DGKB: variants seen among roughly 807,000 people sequenced by gnomAD.
The protein encoded by DGKB is diacylglycerol kinase beta.
In DGKB, 67 loss-of-function variants were observed where a neutral mutation model predicts 114.3. That is an observed-to-expected ratio of 0.59 (90% confidence interval 0.48 to 0.72). The LOEUF is 0.72. Among genes scored for constraint, DGKB ranks in the 30% least tolerant of loss-of-function variants. The pLI is 0.00. For missense variants in DGKB, 907 were observed against 975.2 expected, an observed-to-expected ratio of 0.93 and a Z score of 0.93; for synonymous variants, 398 against 323.1, an observed-to-expected ratio of 1.23 and a Z score of -2.49.
rs529425151 is a variant in DGKB, at chr7:14,485,515, C to A, written c.1771-7290G>T. Among the ~76,000 whole-genome samples, 234 of 152,000 alleles carry A rather than the reference C, an allele frequency of 1.5e-3. 1 individual carries two copies. The highest frequency in any genetic ancestry group is 5.5e-3 in the African/African-American group (227 of 41,450). On this transcript the variant is annotated intron_variant, in intron 20 of 25. Coordinates refer to ENST00000402815, the MANE Select transcript of DGKB (RefSeq NM_001350709.2). ...ACTTGGAGAAATACATGATTGAGAG[C>A]AAGTTAATGGGATTTAGAATAAAGC...
Position 14,223,255 on chromosome 7 carries a change from T to C in DGKB, c.2123-45104A>G, listed in dbSNP as rs75134963. Among the ~76,000 whole-genome samples, 1,078 of 151,790 alleles carry C rather than the reference T, an allele frequency of 7.1e-3. 14 individuals carry two copies. Among genetic ancestry groups the C allele is most frequent in the African/African-American group, 0.025 (1,026 of 41,502 alleles). Reference sequence around the variant, plus strand: ...ATTTAGTATTTTCAAATGCAGAATTTATCTTACTTTAATGATCTTTTTACT... The same window carrying C: ...ATTTAGTATTTTCAAATGCAGAATTCATCTTACTTTAATGATCTTTTTACT... On this transcript the variant is annotated intron_variant, in intron 23 of 25. Transcript: ENST00000402815.
At chr7:14,825,822 C>G (rs191852244) in intron 2 of DGKB, among the ~76,000 whole-genome samples, 3 of 152,248 alleles carry the variant, frequency 2.0e-5, no homozygotes, top group African/African-American at 4.8e-5. Context: ...AAAATTAACT[C>G]TCTATGCAAA....
chr7:14,198,560 T>C (rs1247467320), intron 23 of DGKB, among the ~76,000 whole-genome samples: 1 of 152,044 alleles, frequency 6.6e-6, no homozygotes, highest in Non-Finnish European at 1.5e-5. Flanking sequence ...TGGCTTACAA[T>C]ACCTTGATCT....
At chr7:14,590,995 C>T (rs546504476) in intron 17 of DGKB, among the ~76,000 whole-genome samples, 6 of 152,156 alleles carry the variant, frequency 3.9e-5, no homozygotes, top group South Asian at 2.1e-4. Flanking sequence ...CTGTAGCTAG[C>T]GGACAATTGG....
chr7:14,313,689 G>A (rs1436994891), intron 23 of DGKB, among the ~76,000 whole-genome samples: 1 of 152,104 alleles, frequency 6.6e-6, no homozygotes, highest in Non-Finnish European at 1.5e-5. Flanking sequence ...CTGCAAGGCG[G>A]CAGCGAGGCT....
intron 20 of DGKB, among the ~76,000 whole-genome samples, chr7:14,543,969 G>A (rs1029946810): frequency 6.6e-6 from 1 of 152,048 alleles, no homozygotes; most frequent in Non-Finnish European, 1.5e-5. Flanking sequence ...ACATGAATAG[G>A]TGCACTAAAA....
At chr7:14,247,042 CTGT>C (rs76190535) in intron 23 of DGKB, among the ~76,000 whole-genome samples, 6,819 of 152,150 alleles carry the variant, frequency 0.045, 229 homozygotes, top group East Asian at 0.17. Context: ...TAGAAGTCTG[CTGT>C]TGTTGTTTTT....
intron 6 of DGKB, among the ~76,000 whole-genome samples, chr7:14,704,371 C>T (rs1023850225): frequency 2.1e-5 from 3 of 146,194 alleles, no homozygotes; most frequent in African/African-American, 7.7e-5. Context: ...TGGCGCGAAC[C>T]AGGGAGGCGG....
intron 25 of DGKB, among the ~76,000 whole-genome samples, chr7:14,155,417 G>A (rs754678403): frequency 9.9e-5 from 15 of 152,030 alleles, no homozygotes; most frequent in Non-Finnish European, 1.8e-4. Flanking sequence ...CTTTGAGCTA[G>A]GGATATTTTC....
chr7:14,419,059 C>A (rs1280816162), intron 21 of DGKB, among the ~76,000 whole-genome samples: 1 of 151,776 alleles, frequency 6.6e-6, no homozygotes, highest in African/African-American at 2.4e-5. Context: ...ATTGAGAGAG[C>A]AGAGAAAGGA....
chr7:14,874,411 T>C (rs974642429), intron 1 of DGKB, among the ~76,000 whole-genome samples: 1 of 152,102 alleles, frequency 6.6e-6, no homozygotes, highest in Admixed American at 6.6e-5. Context: ...CTAACATTAA[T>C]GTATAGTTTT....
chr7:14,625,356 C>T (rs1808386128), intron 14 of DGKB, among the ~76,000 whole-genome samples: 1 of 152,088 alleles, frequency 6.6e-6, no homozygotes, highest in South Asian at 2.1e-4. Context: ...AAAATTGTCT[C>T]TCCTTTTTAT....
Position 14,485,096 on chromosome 7 carries a change from CCACACACACACACACA to C in DGKB, c.1771-6887_1771-6872del, listed in dbSNP as rs10563734. On this transcript the variant is annotated intron_variant, in intron 20 of 25. Transcript: ENST00000402815. Reference sequence around the variant, plus strand: ...ATAATTACTGAAAGACACACACACACCACACACACACACACACACACACACACACACACACACACAA... The same window carrying C: ...ATAATTACTGAAAGACACACACACACCACACACACACACACACACACACAA... Among the ~76,000 whole-genome samples the C allele has an allele frequency of 9.7e-3, 1,373 of 141,612 alleles. 20 individuals carry two copies. The highest frequency in any genetic ancestry group is 0.032 in the African/African-American group (1,219 of 38,164). The allele number at this position is 141,612 out of a possible 152,430, so 92.9% of individuals were successfully genotyped here.
intron 20 of DGKB, among the ~76,000 whole-genome samples, chr7:14,530,120 G>T (rs1791317294): frequency 6.6e-6 from 1 of 151,390 alleles, no homozygotes; most frequent in Non-Finnish European, 1.5e-5. Context: ...TGTCAATAAT[G>T]CTTCTAAAAT....
intron 23 of DGKB, among the ~76,000 whole-genome samples, chr7:14,210,077 G>A (rs145194244): frequency 2.6e-5 from 4 of 152,072 alleles, no homozygotes; most frequent in African/African-American, 4.8e-5. Context: ...TGTGTTGGGG[G>A]GATTGAACTG....
At chr7:14,788,694 T>G (rs1005586295) in intron 2 of DGKB, among the ~76,000 whole-genome samples, 1 of 152,106 alleles carries the variant, frequency 6.6e-6, no homozygotes, top group African/African-American at 2.4e-5. Context: ...CAATCAAGTT[T>G]CTTGCCCACC....
At chr7:14,488,663 A>T (rs1214504349) in intron 20 of DGKB, among the ~76,000 whole-genome samples, 1 of 150,630 alleles carries the variant, frequency 6.6e-6, no homozygotes, top group Non-Finnish European at 1.5e-5. Flanking sequence ...AAAAAAAAAA[A>T]AGTATATATA....
At chr7:14,656,751 T>TACACACACACACACACACACACACAC (rs10623353) in intron 13 of DGKB, among the ~76,000 whole-genome samples, 96 of 127,640 alleles carry the variant, frequency 7.5e-4, no homozygotes, top group Admixed American at 3.3e-3. Context: ...ATATAGGATA[T>TACACACACACACACACACACACACAC]ATACACACAC....
intron 23 of DGKB, among the ~76,000 whole-genome samples, chr7:14,273,725 G>A (rs1353826539): frequency 1.3e-5 from 2 of 152,090 alleles, no homozygotes; most frequent in African/African-American, 4.8e-5. Flanking sequence ...CTTTTGAAAA[G>A]GTGTCTTCTA....
Sources: gnomAD v4.1 joint callset for allele counts (sites outside exome capture counted in the v4.1 genomes callset) on GRCh38, gnomAD v4.1.1 for gene constraint, MANE v1.5 for transcripts, NCBI Gene and HGNC (gene_info 2026-07-23, HGNC 2026-07-21) for gene names.